The following PELI2 variants were observed in gnomAD, a reference collection of about 807,000 sequenced individuals.
PELI2 encodes E3 ubiquitin-protein ligase pellino homolog 2.
PELI2 carries 23 observed loss-of-function variants against 42.3 expected under a neutral mutation model. The ratio of observed to expected loss-of-function variants is 0.54; its 90% CI spans 0.39 to 0.77. The LOEUF (loss-of-function observed/expected upper bound fraction) is 0.77. PELI2 is among the 30% of genes least tolerant of loss of function. The probability of loss-of-function intolerance (pLI) is 0.00; values close to 1 mark genes in which losing one functional copy is unlikely to be tolerated. For synonymous variants in PELI2, 245 were observed against 212.2 expected, an observed-to-expected ratio of 1.15 and a Z score of -1.34; for missense variants, 463 against 553.2, an observed-to-expected ratio of 0.84 and a Z score of 1.64.
intron 2 of PELI2, among the ~76,000 whole-genome samples, chr14:56,235,309 C>A (rs1446599858): frequency 6.6e-6 from 1 of 152,114 alleles, no homozygotes; most frequent in Non-Finnish European, 1.5e-5. Flanking sequence ...ATTATTATAA[C>A]TACAATGTCA....
At chr14:56,174,009 C>G (rs1157307034) in intron 1 of PELI2, among the ~76,000 whole-genome samples, 1 of 152,210 alleles carries the variant, frequency 6.6e-6, no homozygotes, top group African/African-American at 2.4e-5. Context: ...TCAAGTGATT[C>G]TCCTGCCTCA....
chr14:56,143,071 A>C (rs1227428079), intron 1 of PELI2, among the ~76,000 whole-genome samples: 3 of 152,042 alleles, frequency 2.0e-5, no homozygotes, highest in Admixed American at 6.6e-5. Flanking sequence ...TCCACAATCC[A>C]GTCTAGTATC....
chr14:56,262,416 T>A (rs755138232), intron 2 of PELI2, among the ~76,000 whole-genome samples: 1 of 152,240 alleles, frequency 6.6e-6, no homozygotes, highest in African/African-American at 2.4e-5. Context: ...GTTGATTGTT[T>A]TATTATAAGC....
chr14:56,122,545 A>C (rs115621852), intron 1 of PELI2, among the ~76,000 whole-genome samples: 3,199 of 150,710 alleles, frequency 0.021, 121 homozygotes, highest in African/African-American at 0.075. Flanking sequence ...AATATTGCTT[A>C]CTCTCTTAGT....
At chr14:56,237,647 TCCC>T (rs1887844011) in intron 2 of PELI2, among the ~76,000 whole-genome samples, 1 of 150,888 alleles carries the variant, frequency 6.6e-6, no homozygotes, top group Non-Finnish European at 1.5e-5. Flanking sequence ...TAAATCTCCA[TCCC>T]CAAGCATCAT....
intron 2 of PELI2, among the ~76,000 whole-genome samples, chr14:56,224,408 A>G (rs983795830): frequency 2.6e-5 from 4 of 152,190 alleles, no homozygotes; most frequent in Non-Finnish European, 4.4e-5. Flanking sequence ...GAATCTTCTC[A>G]CTTGGAAAGT....
intron 2 of PELI2, among the ~76,000 whole-genome samples, chr14:56,248,589 G>A (rs961512385): frequency 1.3e-5 from 2 of 152,074 alleles, no homozygotes; most frequent in Admixed American, 1.3e-4. Context: ...GCAGAAGGAA[G>A]GCATGCAGGA....
intron 1 of PELI2, among the ~76,000 whole-genome samples, chr14:56,161,961 A>G (rs903363334): frequency 1.3e-5 from 2 of 152,130 alleles, no homozygotes; most frequent in African/African-American, 2.4e-5. Flanking sequence ...CCCATATGCA[A>G]CATTTCTTTT....
intron 2 of PELI2, among the ~76,000 whole-genome samples, chr14:56,200,618 C>T (rs972448791): frequency 3.3e-5 from 5 of 152,182 alleles, no homozygotes; most frequent in African/African-American, 7.2e-5. Context: ...AAAATACACA[C>T]GCAGTTGTTG....
At position 56,297,721 on chromosome 14, in the gene PELI2, A is replaced by T. The variant is rs1207105935; in HGVS notation, c.*555A>T. On this transcript the variant is annotated 3_prime_UTR_variant, in exon 6 of 6. Coordinates refer to ENST00000267460, the MANE Select transcript of PELI2 (RefSeq NM_021255.3). ...GTTTTGAAATCTGGGGCTTTTTCTG[A>T]TTTATTTTTCTGACTTGTTGGGGGA... 6.0e-5 allele frequency: 9 copies of T among 148,980 alleles called. No homozygotes were observed. The highest frequency in any genetic ancestry group is 2.0e-4 in the African/African-American group (8 of 40,294). The allele number at this position is 148,980 out of a possible 1,614,324, so 9.2% of individuals were successfully genotyped here.
At chr14:56,270,297 T>C (rs1312337826) in intron 2 of PELI2, among the ~76,000 whole-genome samples, 1 of 152,238 alleles carries the variant, frequency 6.6e-6, no homozygotes. Context: ...CCGGCGCTTG[T>C]TTGAAATATG....
At chr14:56,203,630 A>G (rs1886416107) in intron 2 of PELI2, among the ~76,000 whole-genome samples, 1 of 152,152 alleles carries the variant, frequency 6.6e-6, no homozygotes, top group African/African-American at 2.4e-5. Context: ...TTATGAGGCC[A>G]TTTATTAGCC....
chr14:56,181,042 C>T (rs1174810024), intron 2 of PELI2, among the ~76,000 whole-genome samples: 1 of 152,164 alleles, frequency 6.6e-6, no homozygotes, highest in Non-Finnish European at 1.5e-5. Flanking sequence ...GCATCTATAG[C>T]TTGTAGTACT....
At chr14:56,250,574 T>C (rs1888310788) in intron 2 of PELI2, among the ~76,000 whole-genome samples, 2 of 152,218 alleles carry the variant, frequency 1.3e-5, no homozygotes, top group Non-Finnish European at 2.9e-5. Flanking sequence ...CAAGAGTCCA[T>C]AAGCTGAAGA....
At chr14:56,246,519 TG>T (rs1335291492) in intron 2 of PELI2, among the ~76,000 whole-genome samples, 18 of 152,352 alleles carry the variant, frequency 1.2e-4, no homozygotes, top group African/African-American at 4.3e-4. Flanking sequence ...TCCGAGCCTC[TG>T]CATTTGAGTG....
intron 2 of PELI2, among the ~76,000 whole-genome samples, chr14:56,207,105 A>T (rs1886545185): frequency 6.6e-6 from 1 of 152,202 alleles, no homozygotes; most frequent in Admixed American, 6.5e-5. Context: ...CGACTTTAAG[A>T]TTCATGAATG....
chr14:56,253,450 C>T (rs1888420125), intron 2 of PELI2, among the ~76,000 whole-genome samples: 1 of 152,118 alleles, frequency 6.6e-6, no homozygotes, highest in African/African-American at 2.4e-5. Flanking sequence ...ATTTAGAAAA[C>T]CCCATGATCT....
intron 2 of PELI2, among the ~76,000 whole-genome samples, chr14:56,209,630 T>C (rs546578571): frequency 6.6e-5 from 10 of 152,338 alleles, no homozygotes; most frequent in African/African-American, 2.4e-4. Context: ...ATTTATAATA[T>C]GGTAAATGCC....
At chr14:56,232,928 A>G (rs1040249828) in intron 2 of PELI2, among the ~76,000 whole-genome samples, 8 of 152,160 alleles carry the variant, frequency 5.3e-5, no homozygotes, top group South Asian at 2.1e-4. Flanking sequence ...TACAAAATCA[A>G]TGTGCAAAAA....
Sources: allele counts gnomAD v4.1 joint callset (sites outside exome capture counted in the v4.1 genomes callset), GRCh38; gene constraint gnomAD v4.1.1; transcripts MANE v1.5; gene names NCBI Gene and HGNC (gene_info 2026-07-23, HGNC 2026-07-21).